CNTNAP2: variants seen among roughly 807,000 people sequenced by gnomAD.
CNTNAP2 encodes the protein contactin associated protein 2, also known as contactin-associated protein-like 2.
CNTNAP2 carries 98 observed loss-of-function variants against 155.2 expected under a neutral mutation model. The observed-to-expected ratio is 0.63, with a 90% CI of 0.54 to 0.75. The LOEUF (loss-of-function observed/expected upper bound fraction) is 0.75. CNTNAP2 is among the 30% of genes least tolerant of loss of function. CNTNAP2 has a pLI of 0.00. For synonymous variants in CNTNAP2, 651 were observed against 631.2 expected (o/e 1.03, Z -0.47); for missense variants, 1,727 against 1,688.1 (o/e 1.02, Z -0.40).
At chr7:146,337,089 C>G (rs150571908) in intron 1 of CNTNAP2, among the ~76,000 whole-genome samples, 2 of 152,066 alleles carry the variant, frequency 1.3e-5, no homozygotes, top group African/African-American at 4.8e-5. Flanking sequence ...GCTATAGTTA[C>G]GTTAAATGAA....
chr7:146,969,197 CTTT>C, intron 3 of CNTNAP2, among the ~76,000 whole-genome samples: 1 of 152,182 alleles, frequency 6.6e-6, no homozygotes, highest in East Asian at 1.9e-4. Context: ...AATGTCTGAT[CTTT>C]TACATTTGCT....
rs1050608540 is a variant in CNTNAP2, at chr7:147,911,177, T to A, written c.2255+7456T>A. 2.0e-5 allele frequency among the ~76,000 whole-genome samples: 3 copies of A among 152,100 alleles called. No individual in the cohort carries two copies. The East Asian group carries it at 5.8e-4, about 29-fold the overall frequency. ...TAAATAATGAGTTCAGAAAATGTGA[T>A]TAAATATAGAGTTTATTCCAGCTCA... On this transcript the variant is annotated intron_variant, in intron 14 of 23. Coordinates refer to ENST00000361727, the MANE Select transcript of CNTNAP2 (RefSeq NM_014141.6).
At chr7:147,690,900 T>C (rs1433235135) in intron 13 of CNTNAP2, among the ~76,000 whole-genome samples, 3 of 152,136 alleles carry the variant, frequency 2.0e-5, no homozygotes, top group Non-Finnish European at 4.4e-5. Flanking sequence ...TACTTCCCCC[T>C]ACTCTGCCTC....
At chr7:146,846,773 A>G (rs937395374) in intron 3 of CNTNAP2, among the ~76,000 whole-genome samples, 2 of 152,134 alleles carry the variant, frequency 1.3e-5, no homozygotes, top group African/African-American at 4.8e-5. Context: ...TATTGAATAT[A>G]TTATTGGCAT....
At chr7:147,743,960 C>T (rs1796997613) in intron 13 of CNTNAP2, among the ~76,000 whole-genome samples, 1 of 152,122 alleles carries the variant, frequency 6.6e-6, no homozygotes, top group South Asian at 2.1e-4. Context: ...TGACCTTGGG[C>T]AAGTTATGTA....
chr7:147,603,082 A>T (rs957116744), intron 12 of CNTNAP2, among the ~76,000 whole-genome samples: 4 of 151,672 alleles, frequency 2.6e-5, no homozygotes, highest in Admixed American at 6.6e-5. Flanking sequence ...CAATGGTTGA[A>T]CTAGTTTACA....
At chr7:146,965,190 G>T (rs1461860966) in intron 3 of CNTNAP2, among the ~76,000 whole-genome samples, 1 of 152,042 alleles carries the variant, frequency 6.6e-6, no homozygotes, top group East Asian at 1.9e-4. Context: ...AGAATTGCAG[G>T]CACTCAAAGC....
intron 9 of CNTNAP2, among the ~76,000 whole-genome samples, chr7:147,348,693 C>T (rs1326354986): frequency 6.6e-6 from 1 of 152,010 alleles, no homozygotes. Context: ...TATCTACACC[C>T]CCATGTTTAT....
At chr7:148,331,888 T>C (rs1313796316) in intron 21 of CNTNAP2, among the ~76,000 whole-genome samples, 2 of 150,628 alleles carry the variant, frequency 1.3e-5, no homozygotes, top group Non-Finnish European at 3.0e-5. Flanking sequence ...TCACGTTCGG[T>C]AAGTTGTGTG....
intron 14 of CNTNAP2, among the ~76,000 whole-genome samples, chr7:147,926,470 T>A (rs1328412764): frequency 6.6e-6 from 1 of 152,250 alleles, no homozygotes. Flanking sequence ...TACCTTCACA[T>A]ACACTTTCTT....
chr7:146,574,605 G>T (rs1248835608), intron 1 of CNTNAP2, among the ~76,000 whole-genome samples: 3 of 152,100 alleles, frequency 2.0e-5, no homozygotes, highest in Non-Finnish European at 4.4e-5. Context: ...GGAGGCTGAG[G>T]CAGGAGAATT....
At chr7:147,459,539 G>A (rs774476588) in intron 10 of CNTNAP2, among the ~76,000 whole-genome samples, 1 of 152,062 alleles carries the variant, frequency 6.6e-6, no homozygotes, top group Non-Finnish European at 1.5e-5. Flanking sequence ...CTTTTCAGAG[G>A]GAGGCAGTAA....
intron 10 of CNTNAP2, among the ~76,000 whole-genome samples, chr7:147,402,153 A>G (rs1796927366): frequency 6.6e-6 from 1 of 152,232 alleles, no homozygotes; most frequent in South Asian, 2.1e-4. Flanking sequence ...TTCGGTCAAC[A>G]TGGGAGTTGA....
At position 147,752,740 on chromosome 7, in the gene CNTNAP2, A is replaced by G. The variant is rs952218523; in HGVS notation, c.2098+113434A>G. ...TCATAGCGTCATGAGCCATGCCTTT[A>G]TAAATGTTACATTTCCTGGGATCAA... On this transcript the variant is annotated intron_variant, in intron 13 of 23. Transcript: ENST00000361727. 5.3e-4 allele frequency among the ~76,000 whole-genome samples: 80 copies of G among 152,216 alleles called. 5 individuals are homozygous for G. The highest frequency in any genetic ancestry group is 1.5e-5 in the Non-Finnish European group (1 of 68,046).
intron 10 of CNTNAP2, among the ~76,000 whole-genome samples, chr7:147,464,353 G>A (rs1798075983): frequency 6.6e-6 from 1 of 151,586 alleles, no homozygotes; most frequent in African/African-American, 2.4e-5. Context: ...TGTATTCCCA[G>A]CTACACGGGA....
chr7:146,125,665 T>C (rs981207333), intron 1 of CNTNAP2, among the ~76,000 whole-genome samples: 1 of 151,536 alleles, frequency 6.6e-6, no homozygotes, highest in Non-Finnish European at 1.5e-5. Context: ...GATAAAAATG[T>C]GCCGTGGTGG....
chr7:147,981,110 AC>A (rs1410541378), intron 15 of CNTNAP2, among the ~76,000 whole-genome samples: 2 of 152,192 alleles, frequency 1.3e-5, no homozygotes, highest in Admixed American at 1.3e-4. Context: ...TGAAGAAAAT[AC>A]TTCTTTGAAA....
intron 1 of CNTNAP2, among the ~76,000 whole-genome samples, chr7:146,734,534 G>GT (rs1180723480): frequency 6.6e-6 from 1 of 152,108 alleles, no homozygotes; most frequent in Non-Finnish European, 1.5e-5. Flanking sequence ...AGAACTGACT[G>GT]TAGGTGTCAC....
At chr7:147,575,689 A>G (rs1207736168) in intron 12 of CNTNAP2, among the ~76,000 whole-genome samples, 3 of 152,022 alleles carry the variant, frequency 2.0e-5, no homozygotes, top group African/African-American at 7.2e-5. Context: ...GTTCAAATAC[A>G]TGTTTCAAAA....
Sources: gnomAD v4.1 joint callset for allele counts (sites outside exome capture counted in the v4.1 genomes callset) on GRCh38, gnomAD v4.1.1 for gene constraint, MANE v1.5 for transcripts, NCBI Gene and HGNC (gene_info 2026-07-23, HGNC 2026-07-21) for gene names.